COBLL1: variants seen among roughly 807,000 people sequenced by gnomAD.
COBLL1 encodes the protein cordon-bleu WH2 repeat protein like 1, also known as cordon-bleu protein-like 1.
Under a neutral mutation model 94.8 loss-of-function variants are expected in COBLL1, and 50 were observed. The observed-to-expected ratio is 0.53, with a 90% CI of 0.42 to 0.67. The LOEUF (loss-of-function observed/expected upper bound fraction) is 0.67, where lower values mean the gene tolerates loss of function less well. Among genes scored for constraint, COBLL1 ranks in the 30% least tolerant of loss-of-function variants. The pLI is 0.00. For missense variants in COBLL1, 1,362 were observed against 1,348.7 expected, an observed-to-expected ratio of 1.01 and a Z score of -0.15; for synonymous variants, 448 against 473.8, an observed-to-expected ratio of 0.95 and a Z score of 0.71.
At chr2:164,742,142 G>A (rs921531048) in intron 3 of COBLL1, among the ~76,000 whole-genome samples, 3 of 151,824 alleles carry the variant, frequency 2.0e-5, no homozygotes, top group East Asian at 1.9e-4. Flanking sequence ...GTGACAGGAC[G>A]GAGAGAAAAA....
chr2:164,687,470 G>A, intron 13 of COBLL1: 4 of 1,443,020 alleles, frequency 2.8e-6, no homozygotes, highest in Non-Finnish European at 3.8e-6. Flanking sequence ...GCCCTGTGCA[G>A]GGCCTCAATC....
rs140576256 is a variant in COBLL1, at chr2:164,708,858, A to C, written c.997-3753T>G. Reference sequence around the variant, plus strand: ...TCAACTGATTGCTTTCATGAGGTGTATAATAAAAATGTGTTCACCTTTAGG... The same window carrying C: ...TCAACTGATTGCTTTCATGAGGTGTCTAATAAAAATGTGTTCACCTTTAGG... On this transcript the variant is annotated intron_variant, in intron 7 of 13. Coordinates refer to ENST00000652658, the MANE Select transcript of COBLL1 (RefSeq NM_001365672.2). Among the ~76,000 whole-genome samples, 508 of 152,342 alleles carry C rather than the reference A, an allele frequency of 3.3e-3. 2 individuals are homozygous for C. The highest frequency in any genetic ancestry group is 0.011 in the African/African-American group (472 of 41,590).
chr2:164,715,288 T>C (rs140723540), intron 7 of COBLL1, among the ~76,000 whole-genome samples: 2 of 152,252 alleles, frequency 1.3e-5, no homozygotes, highest in Non-Finnish European at 2.9e-5. Flanking sequence ...TTTGGAAGTA[T>C]AGACAGCTGT....
At chr2:164,686,979 T>G (rs1201788949) in intron 13 of COBLL1, among the ~76,000 whole-genome samples, 1 of 152,224 alleles carries the variant, frequency 6.6e-6, no homozygotes, top group East Asian at 1.9e-4. Context: ...TTGGCTTCCT[T>G]GCGCTTCGCT....
intron 9 of COBLL1, 147 bp downstream of exon 9, chr2:164,704,297 G>C (rs558713691): frequency 1.6e-6 from 1 of 625,452 alleles, no homozygotes; most frequent in African/African-American, 1.8e-5. Flanking sequence ...GTGGGGGCAA[G>C]AATTTATTTC....
At chr2:164,691,380 A>T (rs1683581003) in intron 13 of COBLL1, among the ~76,000 whole-genome samples, 1 of 152,238 alleles carries the variant, frequency 6.6e-6, no homozygotes. Flanking sequence ...TTTTAAAATG[A>T]TCACAGAAGG....
intron 5 of COBLL1, chr2:164,723,370 G>A (rs1456149479): frequency 2.0e-5 from 3 of 152,168 alleles, no homozygotes. Flanking sequence ...ACAGCCAGTA[G>A]TGCTGAGCCT....
intron 13 of COBLL1, chr2:164,687,540 C>A: frequency 7.7e-7 from 1 of 1,291,930 alleles, no homozygotes; most frequent in Non-Finnish European, 1.1e-6. Context: ...CAATGTGACC[C>A]CTGACCACAG....
intron 9 of COBLL1, among the ~76,000 whole-genome samples, chr2:164,702,558 C>CAAAA (rs56011410): frequency 2.7e-4 from 22 of 82,068 alleles, no homozygotes; most frequent in Middle Eastern, 7.2e-3. Context: ...TGAGACTCCT[C>CAAAA]AAAAAAAAAA....
rs1319202072 is a variant in COBLL1 at position 164,683,503 on chromosome 2, TTATTA to T, written c.*2438_*2442del. On this transcript the variant is annotated 3_prime_UTR_variant, in exon 14 of 14. Coordinates refer to ENST00000652658, the MANE Select transcript of COBLL1 (RefSeq NM_001365672.2). ...CCTATGTGACCTTTAAAACATTATT[TTATTA>T]TAATTATAAACTACAAGTATACTAG... The T allele has an allele frequency of 3.9e-5, 6 of 152,244 alleles. No individual in the cohort carries two copies. Among genetic ancestry groups the T allele is most frequent in the South Asian group, 2.1e-4 (1 of 4,828 alleles). The allele number at this position is 152,244 out of a possible 1,614,324, so 9.4% of individuals were successfully genotyped here.
At chr2:164,812,413 A>G (rs1343611592) in intron 2 of COBLL1, among the ~76,000 whole-genome samples, 2 of 152,018 alleles carry the variant, frequency 1.3e-5, no homozygotes, top group Admixed American at 1.3e-4. Flanking sequence ...TTTATAAACT[A>G]CTTAGTTCCT....
chr2:164,803,274 A>T (rs927843695), intron 2 of COBLL1, among the ~76,000 whole-genome samples: 1 of 152,228 alleles, frequency 6.6e-6, no homozygotes, highest in Non-Finnish European at 1.5e-5. Flanking sequence ...AGATTTAAAA[A>T]GCAAAGTTTG....
chr2:164,796,524 G>T (rs963449578), intron 2 of COBLL1, among the ~76,000 whole-genome samples: 2 of 151,922 alleles, frequency 1.3e-5, no homozygotes, highest in African/African-American at 2.4e-5. Flanking sequence ...CTCTGCAGAA[G>T]TTTGCTTTAT....
chr2:164,677,436 G>A (rs1691357639), downstream of COBLL1, among the ~76,000 whole-genome samples: 1 of 152,086 alleles, frequency 6.6e-6, no homozygotes, highest in Admixed American at 6.6e-5. Flanking sequence ...ATTGAGGAAA[G>A]TTTAAAAAAA....
chr2:164,801,619 AT>A (rs200166132), intron 2 of COBLL1, among the ~76,000 whole-genome samples: 2,394 of 151,430 alleles, frequency 0.016, 31 homozygotes, highest in South Asian at 0.028. Context: ...GCCTATCTCA[AT>A]TTTTTTTTAA....
intron 2 of COBLL1, among the ~76,000 whole-genome samples, chr2:164,783,510 T>G (rs923889000): frequency 3.3e-5 from 5 of 151,878 alleles, no homozygotes; most frequent in African/African-American, 1.2e-4. Flanking sequence ...AAGAAAGCAG[T>G]TCAGTGAATC....
intron 7 of COBLL1, among the ~76,000 whole-genome samples, chr2:164,715,352 T>C (rs983154003): frequency 6.6e-6 from 1 of 152,116 alleles, no homozygotes; most frequent in Non-Finnish European, 1.5e-5. Context: ...TAGGCAATTG[T>C]AGAATTATGC....
intron 2 of COBLL1, among the ~76,000 whole-genome samples, chr2:164,757,101 T>A (rs1473739203): frequency 6.6e-6 from 1 of 152,144 alleles, no homozygotes; most frequent in African/African-American, 2.4e-5. Context: ...TGAGGATTTT[T>A]AAAAATCTCC....
chr2:164,696,768 C>CA (rs1360584601), intron 11 of COBLL1: 2 of 152,232 alleles, frequency 1.3e-5, no homozygotes, highest in African/African-American at 4.8e-5. Context: ...TTGGAGTCTG[C>CA]ACCATGTGCC....
Sources: gnomAD v4.1 joint callset for allele counts (sites outside exome capture counted in the v4.1 genomes callset) on GRCh38, gnomAD v4.1.1 for gene constraint, MANE v1.5 for transcripts, NCBI Gene and HGNC (gene_info 2026-07-23, HGNC 2026-07-21) for gene names.